Variants in EIF4A2 observed in about 807,000 individuals in gnomAD.
EIF4A2 encodes eukaryotic translation initiation factor 4A2, also known as eukaryotic initiation factor 4A-II.
A neutral mutation model predicts 50.6 loss-of-function variants in EIF4A2; 9 were observed. The observed-to-expected ratio is 0.18, with a 90% confidence interval of 0.11 to 0.31. The LOEUF is 0.31. EIF4A2 is among the 10% of genes least tolerant of loss of function. EIF4A2 has a pLI of 1.00. For synonymous variants in EIF4A2, 215 were observed against 164.4 expected, an observed-to-expected ratio of 1.31 and a Z score of -2.35; for missense variants, 182 against 501.8, an observed-to-expected ratio of 0.36 and a Z score of 6.09.
In EIF4A2 at chr3:186,786,256, C is replaced by T; in HGVS notation, c.610C>T (p.Leu204=). 1.2e-6 allele frequency: 2 copies of T among 1,613,592 alleles called. No homozygotes were observed. Among genetic ancestry groups the T allele is most frequent in the Non-Finnish European group, 1.7e-6 (2 of 1,179,800 alleles). Residue 204 remains leucine, a synonymous_variant, in exon 6 of 11, where the codon CTA becomes TTA. Transcript: ENST00000323963. The part of the protein sequence containing the change: ...KDQIYEIFQK[L]NTSIQVVLLS... ...TCAAATCTATGAGATTTTCCAAAAA[C>T]TAAACACAAGTATTCAGGTAAGCAT...
chr3:186,787,342 G>A (rs781118391), intron 8 of EIF4A2, 78 bp downstream of exon 8: 2 of 1,613,144 alleles, frequency 1.2e-6, no homozygotes, highest in East Asian at 2.2e-5. Context: ...GTGCTGTGTT[G>A]TCGTTCCCCC....
intron 10 of EIF4A2, chr3:186,788,358 G>A: frequency 7.8e-7 from 1 of 1,290,016 alleles, no homozygotes; most frequent in Non-Finnish European, 1.0e-6. Context: ...AAACGGCGTT[G>A]ACGTAATTTA....
chr3:186,788,526 G>C (rs1281874957), intron 10 of EIF4A2: 2 of 965,910 alleles, frequency 2.1e-6, no homozygotes, highest in East Asian at 6.2e-5. Flanking sequence ...TTTCTTATTA[G>C]GTGGTTTGTA....
rs1415508924 is a variant in EIF4A2, at chr3:186,785,870, G to C, written c.349-13G>C. On this transcript the variant is annotated splice_polypyrimidine_tract_variant and intron_variant, in intron 4 of 10. Coordinates refer to ENST00000323963, the MANE Select transcript of EIF4A2 (RefSeq NM_001967.4). ...GGAGTTCTGCGGAATAATAATTAAG[G>C]CTTGGGTTTTAGATCCAAAAGGTAA... 1 of 1,584,618 alleles carries C rather than the reference G, an allele frequency of 6.3e-7. No homozygotes were observed. Among genetic ancestry groups the C allele is most frequent in the Admixed American group, 1.7e-5 (1 of 58,498 alleles).
At chr3:186,788,240 G>A (rs1244836099) in intron 10 of EIF4A2, 9 of 1,235,960 alleles carry the variant, frequency 7.3e-6, no homozygotes, top group Non-Finnish European at 8.5e-6. Context: ...AGTTATAGTG[G>A]CTTTATCCCT....
In EIF4A2 at chr3:186,789,407, G is replaced by A; in HGVS notation, c.*138G>A. ...CGGATCAGAAATACAGATTTTGATA[G>A]CAAAGCGACGTTAGTCGTGAGCTCT... On this transcript the variant is annotated 3_prime_UTR_variant, in exon 11 of 11. Transcript: ENST00000323963. 1.6e-6 allele frequency: 2 copies of A among 1,268,998 alleles called. No individual in the cohort carries two copies. The highest frequency in any genetic ancestry group is 2.1e-6 in the Non-Finnish European group (2 of 946,240). 78.6% of individuals were successfully genotyped at this position (1,268,998 alleles called of 1,614,324 possible).
At chr3:186,785,840 A>G in intron 4 of EIF4A2, 43 bp from the exon 5 acceptor site, 4 of 1,568,538 alleles carry the variant, frequency 2.6e-6, no homozygotes, top group Non-Finnish European at 3.5e-6. Context: ...TTAGTCATTG[A>G]TCCTGGAGTT....
At chr3:186,788,453 A>G (rs1195976460) in intron 10 of EIF4A2, 17 of 1,229,812 alleles carry the variant, frequency 1.4e-5, no homozygotes, top group Non-Finnish European at 1.8e-5. Context: ...TGTCATGATT[A>G]TTTGATTTTT....
chr3:186,785,264 G>C, intron 4 of EIF4A2, 163 bp downstream of exon 4: 1 of 950,122 alleles, frequency 1.1e-6, no homozygotes, highest in Non-Finnish European at 1.5e-6. Context: ...AAAAGAACTG[G>C]GTATGCAGGT....
chr3:186,784,916 G>A, intron 3 of EIF4A2, 46 bp from the exon 4 acceptor site: 3 of 1,613,872 alleles, frequency 1.9e-6, no homozygotes, highest in Non-Finnish European at 2.5e-6. Flanking sequence ...AAGTAGAAGT[G>A]ACAATTTGAT....
At chr3:186,783,961 C>G (rs1015643869) in intron 1 of EIF4A2, 8 of 457,384 alleles carry the variant, frequency 1.7e-5, no homozygotes, top group Admixed American at 7.5e-5. Flanking sequence ...ACACTGTAAC[C>G]AGGACCCGAA....
chr3:186,784,281 G>A, intron 1 of EIF4A2, 151 bp from the exon 2 acceptor site: 1 of 1,141,870 alleles, frequency 8.8e-7, no homozygotes, highest in Non-Finnish European at 1.3e-6. Context: ...CTTTAGGGAA[G>A]GCGCACAGTG....
chr3:186,783,751 G>A (rs142863158), intron 1 of EIF4A2, 112 bp downstream of exon 1: 135 of 1,537,868 alleles, frequency 8.8e-5, no homozygotes, highest in Non-Finnish European at 1.2e-4. Flanking sequence ...GTTTTCTTAG[G>A]GTACAGCACT....
At chr3:186,788,900 A>G (rs1721953096) in intron 10 of EIF4A2, 2 of 525,168 alleles carry the variant, frequency 3.8e-6, no homozygotes, top group South Asian at 5.6e-5. Flanking sequence ...AAGATGCCTG[A>G]TAAAAATCTC....
chr3:186,784,720 G>C, intron 3 of EIF4A2, 24 bp downstream of exon 3: 2 of 1,611,484 alleles, frequency 1.2e-6, no homozygotes, highest in Non-Finnish European at 1.7e-6. Flanking sequence ...GCATTTTTAG[G>C]AAATTGTTCT....
In EIF4A2 at chr3:186,786,482, C is replaced by T; in HGVS notation, c.628-20C>T. 6.2e-7 allele frequency: 1 copy of T among 1,609,522 alleles called. No individual in the cohort carries two copies. Among genetic ancestry groups the T allele is most frequent in the Non-Finnish European group, 8.5e-7 (1 of 1,178,572 alleles). On this transcript the variant is annotated intron_variant, in intron 6 of 10. Transcript: ENST00000323963. ...TATTAATGTGTAAGTTGTGCTACAA[C>T]ATAATTTTCTCTTTTTAAGGTTGTG...
At position 186,783,589 on chromosome 3, in the gene EIF4A2, G is replaced by T. The variant is rs756744876; in HGVS notation, c.-22G>T. On this transcript the variant is annotated 5_prime_UTR_variant, in exon 1 of 11. Coordinates refer to ENST00000323963, the MANE Select transcript of EIF4A2 (RefSeq NM_001967.4). ...TGGGCGCCGCTGTCTTTTCAGTCGG[G>T]CGCTGAGTGGTTTTTCGGATCATGT... 6.8e-6 allele frequency: 11 copies of T among 1,614,142 alleles called. No individual in the cohort carries two copies. Among genetic ancestry groups the T allele is most frequent in the Non-Finnish European group, 9.3e-6 (11 of 1,180,038 alleles).
At chr3:186,786,405 C>G (rs901737107) in intron 6 of EIF4A2, 97 bp from the exon 7 acceptor site, 50 of 1,547,990 alleles carry the variant, frequency 3.2e-5, no homozygotes, top group Non-Finnish European at 4.2e-5. Context: ...CTCTGTCTAC[C>G]TTCATTCCGT....
At chr3:186,784,034 T>A in intron 1 of EIF4A2, 3 of 417,782 alleles carry the variant, frequency 7.2e-6, no homozygotes, top group Non-Finnish European at 8.7e-6. Flanking sequence ...GGGGAAGGGT[T>A]GGAGGCAGCG....
Sources: gnomAD v4.1 joint callset for allele counts on GRCh38, gnomAD v4.1.1 for gene constraint, MANE v1.5 for transcripts, NCBI Gene and HGNC (gene_info 2026-07-23, HGNC 2026-07-21) for gene names.